ZC3H12B: variants seen among roughly 807,000 people sequenced by gnomAD.
ZC3H12B encodes zinc finger CCCH-type containing 12B, also known as probable ribonuclease ZC3H12B.
Under a neutral mutation model 43.9 loss-of-function variants are expected in ZC3H12B, and 7 were observed. The observed-to-expected ratio is 0.16, with a 90% CI of 0.09 to 0.30. ZC3H12B has a LOEUF of 0.30. ZC3H12B is among the 10% of genes least tolerant of loss of function. The probability of loss-of-function intolerance (pLI) is 1.00; values close to 1 mark genes in which losing one functional copy is unlikely to be tolerated. For synonymous variants in ZC3H12B, 222 were observed against 241.7 expected (o/e 0.92, Z 0.76); for missense variants, 475 against 670.2 (o/e 0.71, Z 3.22).
the ZC3H12B span, among the ~76,000 whole-genome samples, chrX:65,135,753 T>TTC: frequency 4.7e-5 from 5 of 107,399 alleles, no homozygotes; most frequent in African/African-American, 1.7e-4. Context: ...TTGTTTTCTT[T>TTC]TTTTTTTTTT....
the ZC3H12B span, among the ~76,000 whole-genome samples, chrX:65,052,345 T>G: frequency 9.0e-6 from 1 of 111,228 alleles, no homozygotes; most frequent in African/African-American, 3.3e-5. Context: ...TTTAAGCTAT[T>G]TTAAGATGTA....
chrX:65,395,247 G>T (rs760508978), intron 2 of ZC3H12B, among the ~76,000 whole-genome samples: 1 of 111,713 alleles, frequency 9.0e-6, no homozygotes, highest in Non-Finnish European at 1.9e-5. Context: ...ATACTGTGTC[G>T]AATAGGAGTG....
chrX:65,224,536 G>T, the ZC3H12B span, among the ~76,000 whole-genome samples: 3 of 112,688 alleles, frequency 2.7e-5, no homozygotes, highest in East Asian at 8.4e-4. Context: ...GACAGTGGGT[G>T]CAGTGCACCG....
At chrX:65,393,958 G>A (rs185138996) in intron 2 of ZC3H12B, among the ~76,000 whole-genome samples, 1 of 112,424 alleles carries the variant, frequency 8.9e-6, no homozygotes, top group South Asian at 3.7e-4. Context: ...CAGTGATGAT[G>A]AGCTTTTTTT....
At chrX:65,416,364 CT>C (rs1482351364) in intron 3 of ZC3H12B, among the ~76,000 whole-genome samples, 1 of 111,612 alleles carries the variant, frequency 9.0e-6, no homozygotes, top group Non-Finnish European at 1.9e-5. Context: ...CCTTCTAATT[CT>C]TTCTGTTACT....
chrX:65,301,419 A>G, the ZC3H12B span, among the ~76,000 whole-genome samples: 5 of 111,829 alleles, frequency 4.5e-5, no homozygotes, highest in Non-Finnish European at 9.4e-5. Context: ...TTGCAAAAAT[A>G]TGGAACCAGC....
rs145767073 is a variant in ZC3H12B, at chrX:65,420,762, A to G, written n.407+22058A>G. On this transcript the variant is annotated intron_variant and non_coding_transcript_variant, in intron 3 of 5. Transcript: ENST00000617377. ...ATAAATAAATAGAAACCATTAAAAA[A>G]AAAGCCAAACAAAAATTTGGAGGAA... Among the ~76,000 whole-genome samples the G allele has an allele frequency of 4.8e-3, 537 of 112,345 alleles. 4 individuals are homozygous for G. Among genetic ancestry groups the G allele is most frequent in the African/African-American group, 0.016 (507 of 30,927 alleles).
upstream of ZC3H12B, chrX:65,488,718 A>G (rs2068161834): frequency 9.4e-7 from 1 of 1,063,820 alleles, no homozygotes; most frequent in Non-Finnish European, 1.2e-6. Context: ...ACATTTTACT[A>G]CAAAAGAATG....
the ZC3H12B span, among the ~76,000 whole-genome samples, chrX:65,252,532 A>G: frequency 8.9e-5 from 10 of 112,052 alleles, no homozygotes; most frequent in African/African-American, 3.2e-4. Context: ...AAACCAAAGC[A>G]CAGAAAACTT....
Position 65,499,198 on chromosome X carries a change from G to C in ZC3H12B, c.948G>C (p.Glu316Asp), listed in dbSNP as rs764608992. The C allele has an allele frequency of 7.4e-6, 9 of 1,209,288 alleles. No homozygotes were observed. Among genetic ancestry groups the C allele is most frequent in the Non-Finnish European group, 1.0e-5 (9 of 893,735 alleles). Residue 316 changes from glutamate to aspartate, a missense_variant, in exon 3 of 5, where the codon GAG (glutamate) becomes GAC (aspartate). Glu to Asp is a conservative substitution (Grantham distance 45). This residue lies in a region of ZC3H12B where 160 missense variants were observed against 236.0 expected (regional missense o/e 0.68). Transcript: ENST00000338957. The stretch of plus-strand genomic sequence containing the variant: ...AGCCAGAATGGAAGAAGTTTATAGA[G>C]GAGCGGTTGCTGATGTATTCTTTTG...
chrX:65,205,765 A>G, the ZC3H12B span, among the ~76,000 whole-genome samples: 1 of 111,253 alleles, frequency 9.0e-6, no homozygotes, highest in Non-Finnish European at 1.9e-5. Context: ...TATACCTAGA[A>G]AACCCTAAAG....
chrX:65,125,311 C>G, the ZC3H12B span, among the ~76,000 whole-genome samples: 1 of 111,284 alleles, frequency 9.0e-6, no homozygotes, highest in Non-Finnish European at 1.9e-5. Flanking sequence ...TTGGAAGTTC[C>G]TTTTGGAGTT....
At chrX:65,336,702 G>T in the ZC3H12B span, among the ~76,000 whole-genome samples, 1 of 112,001 alleles carries the variant, frequency 8.9e-6, no homozygotes, top group African/African-American at 3.2e-5. Flanking sequence ...GGAAAGGCAA[G>T]GAGCTCAGGG....
chrX:65,407,648 A>G, intron 3 of ZC3H12B, among the ~76,000 whole-genome samples: 1 of 113,427 alleles, frequency 8.8e-6, no homozygotes, highest in Admixed American at 9.1e-5. Flanking sequence ...GGAGAAGAGC[A>G]AAGAAAAGCA....
chrX:65,074,787 T>G, the ZC3H12B span, among the ~76,000 whole-genome samples: 1 of 112,273 alleles, frequency 8.9e-6, no homozygotes, highest in South Asian at 3.7e-4. Flanking sequence ...CTTATTGTAT[T>G]CTTTAGCTCA....
chrX:65,121,331 T>C, the ZC3H12B span, among the ~76,000 whole-genome samples: 1 of 111,433 alleles, frequency 9.0e-6, no homozygotes, highest in Admixed American at 9.5e-5. Flanking sequence ...TTTCAGAGCC[T>C]GTTATTGGTC....
chrX:65,421,870 C>G (rs769945656), intron 3 of ZC3H12B, among the ~76,000 whole-genome samples: 1 of 109,439 alleles, frequency 9.1e-6, no homozygotes, highest in South Asian at 4.0e-4. Flanking sequence ...ATGGTGTGAA[C>G]CGGGCAGGCG....
the ZC3H12B span, among the ~76,000 whole-genome samples, chrX:65,078,512 G>T: frequency 8.9e-6 from 1 of 111,915 alleles, no homozygotes; most frequent in Admixed American, 9.4e-5. Context: ...CAGAATGAGG[G>T]CATAATCAAT....
the ZC3H12B span, among the ~76,000 whole-genome samples, chrX:65,118,601 T>A: frequency 5.4e-5 from 6 of 111,279 alleles, no homozygotes; most frequent in Non-Finnish European, 1.1e-4. Context: ...AACACTATGT[T>A]GAATAAGAGT....
Sources: allele counts gnomAD v4.1 joint callset (sites outside exome capture counted in the v4.1 genomes callset), GRCh38; gene constraint gnomAD v4.1.1; regional missense constraint gnomAD v4.1.1; transcripts MANE v1.5; gene names NCBI Gene and HGNC (gene_info 2026-07-23, HGNC 2026-07-21).